PM20D1: variants seen among roughly 807,000 people sequenced by gnomAD.
PM20D1 encodes peptidase M20 domain containing 1.
PM20D1 carries 53 observed loss-of-function variants against 53.8 expected under a neutral mutation model. The ratio of observed to expected loss-of-function variants is 0.98; its 90% confidence interval spans 0.79 to 1.24. The LOEUF (loss-of-function observed/expected upper bound fraction) is 1.24. Among genes scored for constraint, PM20D1 ranks in the 50% most tolerant of loss-of-function variants. The pLI is 0.00. For missense variants in PM20D1, 564 were observed against 616.8 expected, an observed-to-expected ratio of 0.91 and a Z score of 0.91; for synonymous variants, 239 against 241.3, an observed-to-expected ratio of 0.99 and a Z score of 0.09.
intron 9 of PM20D1, among the ~76,000 whole-genome samples, chr1:205,841,022 G>T (rs1656793332): frequency 6.6e-6 from 1 of 152,160 alleles, no homozygotes; most frequent in Non-Finnish European, 1.5e-5. Flanking sequence ...TTGGGAGCTG[G>T]TTCCCTCTTA....
rs1481404291 is a variant in PM20D1 at position 205,844,083 on chromosome 1, T to C, written c.707+4A>G. On this transcript the variant is annotated splice_donor_region_variant and intron_variant, in intron 5 of 12. Coordinates refer to ENST00000367136, the MANE Select transcript of PM20D1 (RefSeq NM_152491.5). ...CAAGGTGTGGGGTGGGATGCTTTAC[T>C]CACAAGGCGATGGGCTTCTTGAAGT... 8.1e-6 allele frequency: 13 copies of C among 1,608,046 alleles called. No individual in the cohort carries two copies. Among genetic ancestry groups the C allele is most frequent in the Non-Finnish European group, 1.1e-5 (13 of 1,177,038 alleles).
chr1:205,842,809 T>G (rs1247074177), intron 6 of PM20D1, 58 bp from the exon 7 acceptor site: 3 of 1,515,772 alleles, frequency 2.0e-6, no homozygotes, highest in Admixed American at 3.3e-5. Flanking sequence ...ATCAGTGGCT[T>G]GAAGAGGAGA....
chr1:205,833,887 G>T (rs967342027), intron 10 of PM20D1, among the ~76,000 whole-genome samples: 37 of 151,224 alleles, frequency 2.4e-4, no homozygotes, highest in Admixed American at 2.1e-3. Context: ...TCACTCTGTC[G>T]CCCAGGCTGG....
In PM20D1 at chr1:205,849,905, T is replaced by C. The variant is rs760415430; in HGVS notation, c.168A>G (p.Lys56=). The change falls in exon 1 of 13, where the codon AAA becomes AAG. Residue 56 remains lysine (K), a splice_region_variant and synonymous_variant. Transcript: ENST00000367136. ...EERVAMKEAL[K]GAIQIPTVTF... The stretch of plus-strand genomic sequence containing the variant: ...TGGGTGAAGGGGACCCGGGTTCACC[T>C]TTCAGCGCCTCTTTCATCGCGACGC... The C allele has an allele frequency of 1.9e-5, 31 of 1,611,286 alleles. No homozygotes were observed. Among genetic ancestry groups the C allele is most frequent in the Admixed American group, 3.3e-5 (2 of 59,934 alleles).
At chr1:205,845,786 A>T (rs187302174) in intron 2 of PM20D1, among the ~76,000 whole-genome samples, 1 of 152,352 alleles carries the variant, frequency 6.6e-6, no homozygotes, top group African/African-American at 2.4e-5. Context: ...AATGCAAATC[A>T]AGAGCCACCA....
rs754136881 is a variant in PM20D1, at chr1:205,843,684, A to C, written c.810T>G (p.Leu270=). The change falls in exon 6 of 13, where the codon CTT becomes CTG. Residue 270 remains leucine, a synonymous_variant. Coordinates refer to ENST00000367136, the MANE Select transcript of PM20D1 (RefSeq NM_152491.5). ...APPKETSIGI[L]AAAVSRLEQT... is the part of the protein sequence containing the mutation. ...TTGCTTACCGGCTGACAGCAGCTGC[A>C]AGGATGCCAATGCTTGTCTCCTTTG... 276 of 1,613,864 alleles carry C rather than the reference A, an allele frequency of 1.7e-4. No individual in the cohort carries two copies. The highest frequency in any genetic ancestry group is 2.2e-4 in the Non-Finnish European group (265 of 1,180,000).
intron 10 of PM20D1, 116 bp downstream of exon 10, chr1:205,840,135 TG>T: frequency 1.3e-6 from 1 of 778,280 alleles, no homozygotes; most frequent in Non-Finnish European, 1.9e-6. Context: ...CTTTGAAAAA[TG>T]TTGGTTGAAT....
At chr1:205,834,907 C>T (rs1040910786) in intron 10 of PM20D1, among the ~76,000 whole-genome samples, 16 of 152,140 alleles carry the variant, frequency 1.1e-4, no homozygotes, top group Non-Finnish European at 1.3e-4. Flanking sequence ...ATCTCATTTC[C>T]GCATTTCCAG....
At chr1:205,844,252 C>T (rs1656890946) in intron 4 of PM20D1, 35 bp from the exon 5 acceptor site, 2 of 1,556,918 alleles carry the variant, frequency 1.3e-6, no homozygotes, top group East Asian at 4.5e-5. Context: ...TAGTCCTTCT[C>T]AGCCAGAGAC....
At position 205,850,104 on chromosome 1, in the gene PM20D1, G is replaced by T. The variant is rs375535770; in HGVS notation, c.-32C>A. Reference sequence around the variant, plus strand: ...CTCGAGCTCCTGCTGTCAGGCTACCGGGGTAGTTCTGACCTAAACGCCCAG... The same window carrying T: ...CTCGAGCTCCTGCTGTCAGGCTACCTGGGTAGTTCTGACCTAAACGCCCAG... On this transcript the variant is annotated 5_prime_UTR_variant, in exon 1 of 13. Coordinates refer to ENST00000367136, the MANE Select transcript of PM20D1 (RefSeq NM_152491.5). The T allele has an allele frequency of 1.2e-5, 19 of 1,600,242 alleles. No homozygotes were observed. The highest frequency in any genetic ancestry group is 1.6e-5 in the Non-Finnish European group (19 of 1,171,562).
chr1:205,828,537 A>G lies in PM20D1; in HGVS notation c.*83T>C. ...ATGTTTTACAATGTGGTTTTGATCA[A>G]AAGTTTCATCAACACTAGCTTTCCC... On this transcript the variant is annotated 3_prime_UTR_variant, in exon 13 of 13. Transcript: ENST00000367136. The G allele has an allele frequency of 2.6e-6, 4 of 1,559,946 alleles. No homozygotes were observed. The highest frequency in any genetic ancestry group is 3.5e-6 in the Non-Finnish European group (4 of 1,151,036).
intron 2 of PM20D1, 93 bp from the exon 3 acceptor site, chr1:205,845,650 A>T (rs1310520110): frequency 1.1e-5 from 12 of 1,100,000 alleles, no homozygotes; most frequent in Non-Finnish European, 1.3e-5. Context: ...TTATTTATTT[A>T]TTTTTTTAAA....
rs757590554 is a variant in PM20D1 at position 205,841,842 on chromosome 1, G to A, written c.1013C>T (p.Thr338Met). ...PLTNAIIRTT[T>M]ALTIFKAGVK... ...CCCTGCTTTGAATATGGTGAGTGCC[G>A]TGGTGGTCCTGATTATTGCATTGGT... Residue 338 changes from threonine to methionine, a missense_variant, in exon 9 of 13, where the codon ACG (threonine) becomes ATG (methionine). By Grantham distance (81) the Thr-to-Met change is moderately conservative (BLOSUM62 -1). Coordinates refer to ENST00000367136, the MANE Select transcript of PM20D1 (RefSeq NM_152491.5). The A allele has an allele frequency of 3.1e-5, 49 of 1,570,028 alleles. No individual in the cohort carries two copies. Among genetic ancestry groups the A allele is most frequent in the African/African-American group, 1.2e-4 (9 of 73,796 alleles).
intron 5 of PM20D1, 65 bp downstream of exon 5, chr1:205,844,022 G>T: frequency 2.6e-6 from 4 of 1,557,736 alleles, no homozygotes; most frequent in Non-Finnish European, 3.5e-6. Flanking sequence ...ACAGATACCA[G>T]GCTGGGGTCA....
rs1293804695 is a variant in PM20D1, at chr1:205,850,106, G to A, written c.-34C>T. On this transcript the variant is annotated 5_prime_UTR_variant, in exon 1 of 13. Coordinates refer to ENST00000367136, the MANE Select transcript of PM20D1 (RefSeq NM_152491.5). ...CGAGCTCCTGCTGTCAGGCTACCGGGGTAGTTCTGACCTAAACGCCCAGAC... is the reference window on the plus strand; with the variant it reads ...CGAGCTCCTGCTGTCAGGCTACCGGAGTAGTTCTGACCTAAACGCCCAGAC... 1 of 1,599,718 alleles carries A rather than the reference G, an allele frequency of 6.3e-7. No homozygotes were observed. The highest frequency in any genetic ancestry group is 1.7e-5 in the Admixed American group (1 of 58,860).
At position 205,843,765 on chromosome 1, in the gene PM20D1, A is replaced by C. The variant is rs1420742597; in HGVS notation, c.729T>G (p.Gly243=). The C allele has an allele frequency of 6.2e-7, 1 of 1,613,752 alleles. No homozygotes were observed. Residue 243 remains glycine, a synonymous_variant, in exon 6 of 13, where the codon GGT becomes GGG. Coordinates refer to ENST00000367136, the MANE Select transcript of PM20D1 (RefSeq NM_152491.5). Reference sequence around the variant, plus strand: ...TTACTTGCAGCATGAGGTTCATGGAACCCTTCTCTGAGACTGCAATCCTGT... The same window carrying C: ...TTACTTGCAGCATGAGGTTCATGGACCCCTTCTCTGAGACTGCAATCCTGT... ...PIALIAVSEK[G]SMNLMLQVNM... is the part of the protein sequence containing the mutation.
At chr1:205,836,249 C>T (rs1445298254) in intron 10 of PM20D1, among the ~76,000 whole-genome samples, 2 of 152,108 alleles carry the variant, frequency 1.3e-5, no homozygotes. Flanking sequence ...AGATATTTTC[C>T]TCTAAGTGAA....
At chr1:205,843,107 GTAA>G (rs1439468717) in intron 6 of PM20D1, among the ~76,000 whole-genome samples, 3 of 152,198 alleles carry the variant, frequency 2.0e-5, no homozygotes, top group African/African-American at 7.2e-5. Flanking sequence ...CCAGCCAGGA[GTAA>G]GCTCTGCTGT....
chr1:205,842,430 G>C (rs1032624063), intron 7 of PM20D1, among the ~76,000 whole-genome samples: 1 of 152,172 alleles, frequency 6.6e-6, no homozygotes, highest in African/African-American at 2.4e-5. Context: ...CAATTGCTTA[G>C]CAACCTCAAG....
Sources: gnomAD v4.1 joint callset for allele counts (sites outside exome capture counted in the v4.1 genomes callset) on GRCh38, gnomAD v4.1.1 for gene constraint, MANE v1.5 for transcripts, NCBI Gene and HGNC (gene_info 2026-07-23, HGNC 2026-07-21) for gene names.